The following EYA1 variants were observed in gnomAD, a reference collection of about 807,000 sequenced individuals.
The protein encoded by EYA1 is EYA transcriptional coactivator and phosphatase 1, also known as protein phosphatase EYA1.
Under a neutral mutation model 82.0 loss-of-function variants are expected in EYA1, and 16 were observed. The observed-to-expected ratio is 0.20, with a 90% CI of 0.13 to 0.30. The LOEUF (loss-of-function observed/expected upper bound fraction) is 0.30. Ranked by LOEUF, EYA1 falls within the 10% of genes least tolerant of loss-of-function variation. The pLI, the probability that EYA1 is intolerant of heterozygous loss-of-function variation, is 1.00. For synonymous variants in EYA1, 261 were observed against 264.4 expected, an observed-to-expected ratio of 0.99 and a Z score of 0.12; for missense variants, 633 against 730.7, an observed-to-expected ratio of 0.87 and a Z score of 1.54.
At chr8:71,427,223 G>C (rs558196983) in intron 2 of EYA1, among the ~76,000 whole-genome samples, 2 of 152,302 alleles carry the variant, frequency 1.3e-5, no homozygotes, top group Admixed American at 1.3e-4. Context: ...TGGCCTTGCT[G>C]TTGCTTCGGA....
chr8:71,495,916 A>G (rs1026732886), intron 2 of EYA1, among the ~76,000 whole-genome samples: 3 of 152,210 alleles, frequency 2.0e-5, no homozygotes, highest in African/African-American at 7.2e-5. Context: ...CCCCACGAGC[A>G]GTGTGGATGC....
At position 71,500,641 on chromosome 8, in the gene EYA1, A is replaced by G. The variant is rs146830106; in HGVS notation, c.33+35103T>C. Among the ~76,000 whole-genome samples the G allele has an allele frequency of 6.6e-5, 10 of 152,332 alleles. No individual in the cohort carries two copies. In the East Asian group the frequency reaches 1.7e-3, roughly 26 times the overall value. On this transcript the variant is annotated intron_variant, in intron 2 of 18. Coordinates refer to the EYA1 transcript ENST00000643681. ...AAGTGACTAACAATGACTATACACAACTTCGATCTTGATGTATCTATTTTT... is the reference window on the plus strand; with the variant it reads ...AAGTGACTAACAATGACTATACACAGCTTCGATCTTGATGTATCTATTTTT...
intron 16 of EYA1, among the ~76,000 whole-genome samples, chr8:71,213,717 T>C (rs1168181261): frequency 6.6e-6 from 1 of 152,232 alleles, no homozygotes. Flanking sequence ...CTTTCTGCCA[T>C]TGATTGAAGA....
intron 2 of EYA1, among the ~76,000 whole-genome samples, chr8:71,430,317 G>C (rs547814897): frequency 6.6e-6 from 1 of 152,274 alleles, no homozygotes; most frequent in Non-Finnish European, 1.5e-5. Flanking sequence ...AGTTGCAGAA[G>C]ACTTATGTTC....
At chr8:71,486,321 C>A (rs952083190) in intron 2 of EYA1, among the ~76,000 whole-genome samples, 3 of 151,752 alleles carry the variant, frequency 2.0e-5, no homozygotes, top group Admixed American at 1.3e-4. Context: ...GGGAGGCACA[C>A]AGAAGAGGTA....
chr8:71,356,695 T>C, intron 1 of EYA1, 184 bp from the exon 2 acceptor site: 1 of 1,291,116 alleles, frequency 7.7e-7, no homozygotes, highest in Non-Finnish European at 9.8e-7. Flanking sequence ...TGTTTCCTCC[T>C]GCAGGTCTAT....
rs151001849 is a variant in EYA1 at position 71,286,011 on chromosome 8, G to C, written c.826+13036C>G. Among the ~76,000 whole-genome samples, 594 of 152,282 alleles carry C rather than the reference G, an allele frequency of 3.9e-3. 6 individuals are homozygous for C. The highest frequency in any genetic ancestry group is 0.014 in the African/African-American group (566 of 41,560). The stretch of plus-strand genomic sequence containing the variant: ...CTTAGAAGAAGAATGTGGATCAGAA[G>C]GGGAAAATGGAGCCAGTGAGGAAAT... On this transcript the variant is annotated intron_variant, in intron 9 of 17. Transcript: ENST00000340726.
chr8:71,292,517 C>T (rs1184337782), intron 9 of EYA1, among the ~76,000 whole-genome samples: 1 of 151,816 alleles, frequency 6.6e-6, no homozygotes, highest in East Asian at 1.9e-4. Flanking sequence ...TTGAATTTAC[C>T]ATGGAATACC....
In EYA1 at chr8:71,414,426, G is replaced by A. The variant is rs527591507; in HGVS notation, c.34-57915C>T. On this transcript the variant is annotated intron_variant, in intron 2 of 18. Transcript: ENST00000643681. The stretch of plus-strand genomic sequence containing the variant: ...AGTGAATTCTTGTCCCATCATTTCC[G>A]GTGTACCCAAGTCTGTACTGTCATC... Among the ~76,000 whole-genome samples the A allele has an allele frequency of 8.5e-5, 13 of 152,282 alleles. No homozygotes were observed. In the South Asian group the frequency reaches 2.3e-3, roughly 27 times the overall value.
intron 2 of EYA1, among the ~76,000 whole-genome samples, chr8:71,396,999 T>C (rs1447075903): frequency 1.3e-5 from 2 of 152,250 alleles, no homozygotes; most frequent in Non-Finnish European, 2.9e-5. Context: ...ATATTTAGCA[T>C]AGTTAGCTCT....
chr8:71,205,590 A>G (rs1008464251), intron 17 of EYA1, among the ~76,000 whole-genome samples: 1 of 152,194 alleles, frequency 6.6e-6, no homozygotes, highest in African/African-American at 2.4e-5. Flanking sequence ...AGGTATTTCT[A>G]ACTTCTTCTC....
At chr8:71,485,957 G>T (rs7841345) in intron 2 of EYA1, among the ~76,000 whole-genome samples, 1 of 152,106 alleles carries the variant, frequency 6.6e-6, no homozygotes, top group Admixed American at 6.5e-5. Flanking sequence ...AAATGCAAAG[G>T]GACCTGTGAA....
chr8:71,350,233 A>G lies in EYA1; in HGVS notation c.124+4549T>C, dbSNP rs1477761785. On this transcript the variant is annotated intron_variant, in intron 3 of 17. Transcript: ENST00000340726. ...AAATACAGCCTCAAACCATAATTTT[A>G]TACACATTTGCTCCAGTTTAGATAT... Among the ~76,000 whole-genome samples the G allele has an allele frequency of 3.9e-5, 6 of 152,212 alleles. No homozygotes were observed. In the East Asian group the frequency reaches 1.2e-3, roughly 29 times the overall value.
chr8:71,356,506 T>C lies in EYA1; in HGVS notation c.-49A>G, dbSNP rs773963094. On this transcript the variant is annotated 5_prime_UTR_variant, in exon 2 of 18. Transcript: ENST00000340726. ...CAACATCTGAACTGGCTTGAGATGT[T>C]TGCACCTGTGATCAGGGGTAAAAAA... 2.7e-5 allele frequency: 42 copies of C among 1,576,422 alleles called. No homozygotes were observed. The Middle Eastern group carries it at 5.0e-4, about 19-fold the overall frequency.
chr8:71,531,024 C>T (rs1814225578), intron 2 of EYA1: 1 of 152,144 alleles, frequency 6.6e-6, no homozygotes, highest in South Asian at 2.1e-4. Flanking sequence ...TTCCACCCCC[C>T]AATGCATGAG....
intron 2 of EYA1, among the ~76,000 whole-genome samples, chr8:71,385,612 C>A (rs565363535): frequency 6.6e-5 from 10 of 152,242 alleles, no homozygotes; most frequent in Non-Finnish European, 1.5e-4. Context: ...CAGGTAATGT[C>A]CCTGTTCTAC....
chr8:71,264,711 TA>T (rs1441909991), intron 11 of EYA1, among the ~76,000 whole-genome samples: 2 of 151,864 alleles, frequency 1.3e-5, no homozygotes, highest in Non-Finnish European at 2.9e-5. Flanking sequence ...CCCAAGCAGC[TA>T]GGACTACACG....
intron 17 of EYA1, among the ~76,000 whole-genome samples, chr8:71,204,934 C>A (rs974301488): frequency 5.3e-5 from 8 of 152,164 alleles, no homozygotes; most frequent in Non-Finnish European, 1.0e-4. Flanking sequence ...AAGTGATTAA[C>A]TATAAATGAA....
chr8:71,510,572 G>GCCCCTTATAAAA (rs1812521587), intron 2 of EYA1, among the ~76,000 whole-genome samples: 1 of 152,160 alleles, frequency 6.6e-6, no homozygotes, highest in Non-Finnish European at 1.5e-5. Flanking sequence ...GAAGGAGAAA[G>GCCCCTTATAAAA]CCCCTTATAA....
Sources: gnomAD v4.1 joint callset for allele counts (sites outside exome capture counted in the v4.1 genomes callset) on GRCh38, gnomAD v4.1.1 for gene constraint, MANE v1.5 for transcripts, NCBI Gene and HGNC (gene_info 2026-07-23, HGNC 2026-07-21) for gene names.